ZNF37A: variants seen among roughly 807,000 people sequenced by gnomAD.
ZNF37A encodes zinc finger protein 37a (KOX 21).
Under a neutral mutation model 12.3 loss-of-function variants are expected in ZNF37A, and 10 were observed. The observed-to-expected ratio is 0.82, with a 90% CI of 0.50 to 1.38. ZNF37A has a LOEUF of 1.38. Ranked by LOEUF, ZNF37A falls within the 40% of genes most tolerant of loss-of-function variation. The pLI is 0.00. For missense variants in ZNF37A, 580 were observed against 651.2 expected (o/e 0.89, Z 1.19); for synonymous variants, 207 against 223.0 (o/e 0.93, Z 0.64).
At chr10:38,110,466 A>T (rs978997103) in intron 5 of ZNF37A, among the ~76,000 whole-genome samples, 1 of 152,210 alleles carries the variant, frequency 6.6e-6, no homozygotes, top group African/African-American at 2.4e-5. Context: ...AATGGCAACA[A>T]ATGCCAAAAT....
chr10:38,128,264 C>A (rs1240668284), downstream of ZNF37A, among the ~76,000 whole-genome samples: 5 of 152,112 alleles, frequency 3.3e-5, no homozygotes, highest in African/African-American at 1.2e-4. Context: ...GCACAGAGGA[C>A]TTAACAGGCT....
intron 7 of ZNF37A, chr10:38,141,818 G>A (rs576577673): frequency 3.0e-4 from 46 of 152,158 alleles, no homozygotes; most frequent in African/African-American, 1.1e-3. Flanking sequence ...TCAGGAAAGA[G>A]GCTAAAGCGG....
chr10:38,112,737 T>TGGTCTCGGTCTCGGTCTCGGTCTCGG (rs1564931757), intron 5 of ZNF37A, among the ~76,000 whole-genome samples: 2 of 72,004 alleles, frequency 2.8e-5, no homozygotes, highest in Non-Finnish European at 5.8e-5. Flanking sequence ...TCCATTTTCT[T>TGGTCTCGGTCTCGGTCTCGGTCTCGG]TTCTTTTCTT....
At position 38,137,030 on chromosome 10, in the gene ZNF37A, A is replaced by G. The variant is rs1453236095; in HGVS notation, c.239-9702A>G. Among the ~76,000 whole-genome samples, 3 of 152,192 alleles carry G rather than the reference A, an allele frequency of 2.0e-5. No homozygotes were observed. The East Asian group carries it at 5.8e-4, about 29-fold the overall frequency. ...CTTTTTTGAATAAACATTTTTTCAG[A>G]CATCATTTTCCTGTTTCGTCCATGT... On this transcript the variant is annotated intron_variant, in intron 7 of 7. Transcript: ENST00000638053.
At chr10:38,094,856 G>A (rs563567741) in intron 1 of ZNF37A, 75 bp from the exon 2 acceptor site, 2 of 152,432 alleles carry the variant, frequency 1.3e-5, no homozygotes, top group African/African-American at 2.4e-5. Context: ...CCCGCGGGGC[G>A]GGGAGGGACC....
chr10:38,116,366 G>C (rs2069270755), intron 7 of ZNF37A, among the ~76,000 whole-genome samples: 1 of 152,184 alleles, frequency 6.6e-6, no homozygotes, highest in Non-Finnish European at 1.5e-5. Context: ...GTGCTTAAAT[G>C]AATTATAAAA....
chr10:38,141,084 G>A (rs1193029884), intron 7 of ZNF37A: 2 of 151,588 alleles, frequency 1.3e-5, no homozygotes, highest in Non-Finnish European at 2.9e-5. Context: ...AACTTGAGGA[G>A]GAAACAGGGT....
chr10:38,120,862 GATA>G lies in ZNF37A; in HGVS notation c.*2030_*2032del, dbSNP rs2069652177. 6.6e-6 allele frequency: 1 copy of G among 152,214 alleles called. No individual in the cohort carries two copies. Among genetic ancestry groups the G allele is most frequent in the Non-Finnish European group, 1.5e-5 (1 of 68,036 alleles). 9.4% of individuals were successfully genotyped at this position (152,214 alleles called of 1,614,324 possible). ...GGAGCCTGAAAAGCTAATTTGAGAAGATAATAAGTAGGATTTTTGTTTTGTTTT... is the reference window on the plus strand; with the variant it reads ...GGAGCCTGAAAAGCTAATTTGAGAAGATAAGTAGGATTTTTGTTTTGTTTT... On this transcript the variant is annotated 3_prime_UTR_variant, in exon 8 of 8. Coordinates refer to ENST00000685332, the MANE Select transcript of ZNF37A (RefSeq NM_001324250.3).
chr10:38,096,190 A>C (rs1292298574), intron 4 of ZNF37A, among the ~76,000 whole-genome samples: 1 of 152,170 alleles, frequency 6.6e-6, no homozygotes, highest in Non-Finnish European at 1.5e-5. Flanking sequence ...CAAACAAAAA[A>C]AACTGGGCTG....
intron 7 of ZNF37A, among the ~76,000 whole-genome samples, chr10:38,136,620 G>T (rs1348301783): frequency 6.6e-6 from 1 of 152,250 alleles, no homozygotes; most frequent in Admixed American, 6.6e-5. Flanking sequence ...ATGTATCATA[G>T]TATGAGTATT....
exon 8 of ZNF37A, chr10:38,148,507 C>G (rs1301476360): frequency 1.3e-5 from 2 of 152,214 alleles, no homozygotes; most frequent in Non-Finnish European, 1.5e-5. Flanking sequence ...TCTGCAGCAT[C>G]TTACCAAACA....
At position 38,117,751 on chromosome 10, in the gene ZNF37A, C is replaced by T; in HGVS notation, c.600C>T (p.His200=). 1 of 1,613,974 alleles carries T rather than the reference C, an allele frequency of 6.2e-7. No homozygotes were observed. Among genetic ancestry groups the T allele is most frequent in the Non-Finnish European group, 8.5e-7 (1 of 1,179,998 alleles). ...AGCAAACACATCCAAGAGAAAACCA[C>T]TATGGTAATGAATGTGGAGAAAATA... The part of the protein sequence containing the change: ...THQQTHPREN[H]YGNECGENIF... The change falls in exon 8 of 8, where the codon CAC becomes CAT. Residue 200 remains histidine, a synonymous_variant. Transcript: ENST00000685332.
At chr10:38,100,243 C>G (rs192474245) in intron 5 of ZNF37A, among the ~76,000 whole-genome samples, 2 of 152,152 alleles carry the variant, frequency 1.3e-5, no homozygotes, top group South Asian at 4.1e-4. Context: ...ACCGCAGGAC[C>G]GGTGCGAAAT....
intron 5 of ZNF37A, among the ~76,000 whole-genome samples, chr10:38,100,564 T>C (rs774983453): frequency 2.0e-5 from 3 of 152,256 alleles, no homozygotes; most frequent in Non-Finnish European, 4.4e-5. Context: ...AAGAGAAATA[T>C]GGCTCTGTTC....
At chr10:38,133,110 A>G (rs1459299290) in intron 7 of ZNF37A, among the ~76,000 whole-genome samples, 1 of 152,086 alleles carries the variant, frequency 6.6e-6, no homozygotes, top group Non-Finnish European at 1.5e-5. Context: ...ATTTGCATGT[A>G]ATATATTTTA....
chr10:38,112,177 A>G (rs1215565563), intron 5 of ZNF37A, among the ~76,000 whole-genome samples: 2 of 151,146 alleles, frequency 1.3e-5, no homozygotes, highest in East Asian at 1.9e-4. Flanking sequence ...CCCCTTTCCT[A>G]TTATTTGCAA....
intron 7 of ZNF37A, among the ~76,000 whole-genome samples, chr10:38,144,730 A>C (rs1327185968): frequency 6.6e-6 from 1 of 152,120 alleles, no homozygotes; most frequent in Non-Finnish European, 1.5e-5. Context: ...TGAAGTTGAA[A>C]AAATTCAATA....
At chr10:38,108,606 A>G (rs1378392905) in intron 5 of ZNF37A, among the ~76,000 whole-genome samples, 1 of 152,214 alleles carries the variant, frequency 6.6e-6, no homozygotes, top group Non-Finnish European at 1.5e-5. Flanking sequence ...TAAAGAAGAA[A>G]AGAGAGAAGA....
rs892419449 is a variant in ZNF37A, at chr10:38,123,217, T to A, written c.*4380T>A. On this transcript the variant is annotated 3_prime_UTR_variant, in exon 8 of 8. Transcript: ENST00000685332. ...GTGCTTGAGGTCATGGATACCCATTTACCCTGATGTGTTTATACACATTTC... is the reference window on the plus strand; with the variant it reads ...GTGCTTGAGGTCATGGATACCCATTAACCCTGATGTGTTTATACACATTTC... The A allele has an allele frequency of 2.0e-5, 3 of 152,200 alleles. No individual in the cohort carries two copies. The highest frequency in any genetic ancestry group is 2.0e-4 in the Admixed American group (3 of 15,262). 9.4% of individuals were successfully genotyped at this position (152,200 alleles called of 1,614,324 possible). A position where few individuals can be genotyped will look rare whatever the true frequency, so the allele number is the denominator to read the frequency against.
Sources: gnomAD v4.1 joint callset for allele counts (sites outside exome capture counted in the v4.1 genomes callset) on GRCh38, gnomAD v4.1.1 for gene constraint, MANE v1.5 for transcripts, NCBI Gene and HGNC (gene_info 2026-07-23, HGNC 2026-07-21) for gene names.